The following SLC20A2 variants were observed in gnomAD, a reference collection of about 807,000 sequenced individuals.
SLC20A2 encodes the protein solute carrier family 20 member 2.
SLC20A2 carries 30 observed loss-of-function variants against 61.0 expected under a neutral mutation model. The ratio of observed to expected loss-of-function variants is 0.49; its 90% confidence interval spans 0.37 to 0.67. The LOEUF is 0.67. Among genes scored for constraint, SLC20A2 ranks in the 30% least tolerant of loss-of-function variants. The pLI is 0.00. For missense variants in SLC20A2, 626 were observed against 866.4 expected (o/e 0.72, Z 3.48); for synonymous variants, 351 against 353.3 (o/e 0.99, Z 0.07).
At chr8:42,447,427 C>T (rs28398027) in intron 5 of SLC20A2, among the ~76,000 whole-genome samples, 14,653 of 151,900 alleles carry the variant, frequency 0.096, 2,349 homozygotes, top group African/African-American at 0.33. Flanking sequence ...CCTGTAATCC[C>T]AGCACTTTGG....
At position 42,417,020 on chromosome 8, in the gene SLC20A2, A is replaced by T. The variant is rs1802711005; in HGVS notation, c.*783T>A. On this transcript the variant is annotated 3_prime_UTR_variant, in exon 11 of 11. Transcript: ENST00000520262. ...TGCTGGGTGACGGTGTCACCGCCACACACTGCTCTGGGGCAGGCGTGATCA... is the reference window on the plus strand; with the variant it reads ...TGCTGGGTGACGGTGTCACCGCCACTCACTGCTCTGGGGCAGGCGTGATCA... 6.5e-6 allele frequency: 1 copy of T among 152,706 alleles called. No homozygotes were observed. The highest frequency in any genetic ancestry group is 1.5e-5 in the Non-Finnish European group (1 of 68,074). 9.5% of individuals were successfully genotyped at this position (152,706 alleles called of 1,614,324 possible).
At chr8:42,480,356 TG>T (rs1373501320) in intron 1 of SLC20A2, 1 of 152,244 alleles carries the variant, frequency 6.6e-6, no homozygotes, top group Non-Finnish European at 1.5e-5. Context: ...CTTTTATCAC[TG>T]GAAGACGCTT....
At chr8:42,443,438 C>T (rs1456236300) in intron 6 of SLC20A2, among the ~76,000 whole-genome samples, 2 of 151,212 alleles carry the variant, frequency 1.3e-5, no homozygotes, top group Non-Finnish European at 3.0e-5. Context: ...GTCTCAGCCT[C>T]CCGAGTAGCT....
At chr8:42,427,446 C>T (rs537676282) in intron 10 of SLC20A2, among the ~76,000 whole-genome samples, 2 of 152,188 alleles carry the variant, frequency 1.3e-5, no homozygotes, top group African/African-American at 2.4e-5. Flanking sequence ...AGTCTCCTCA[C>T]CTGTGGACTG....
Position 42,444,735 on chromosome 8 carries a change from G to A in SLC20A2, c.641C>T (p.Ala214Val). The A allele has an allele frequency of 1.2e-6, 2 of 1,613,920 alleles. No individual in the cohort carries two copies. The highest frequency in any genetic ancestry group is 1.7e-6 in the Non-Finnish European group (2 of 1,179,838). The change falls in exon 6 of 11, where the codon GCC becomes GTC. Residue 214 changes from alanine (A) to valine (V), a missense_variant. Ala to Val is a moderately conservative substitution (Grantham distance 64). Transcript: ENST00000520262. ...PVLGLVLPMW[A>V]IALISFGVAL... ...GACACCAAAGGAAATGAGGGCTATG[G>A]CCCACATGGGGAGAACAAGGCCGAG...
chr8:42,427,766 T>G (rs1803521623), intron 10 of SLC20A2, among the ~76,000 whole-genome samples: 2 of 152,182 alleles, frequency 1.3e-5, no homozygotes, highest in South Asian at 4.1e-4. Context: ...TGCCTTTGCT[T>G]GGCGTTGTCT....
At chr8:42,453,869 A>T (rs1446866469) in intron 5 of SLC20A2, among the ~76,000 whole-genome samples, 1 of 152,208 alleles carries the variant, frequency 6.6e-6, no homozygotes, top group Non-Finnish European at 1.5e-5. Context: ...TAAGGCCAAA[A>T]GACTGGGTTA....
At position 42,465,779 on chromosome 8, in the gene SLC20A2, A is replaced by G. The variant is rs1279297447; in HGVS notation, c.428T>C (p.Ile143Thr). 11 of 1,589,982 alleles carry G rather than the reference A, an allele frequency of 6.9e-6. No homozygotes were observed. Among genetic ancestry groups the G allele is most frequent in the Non-Finnish European group, 9.4e-6 (11 of 1,172,304 alleles). Reference protein sequence around the residue: ...KGVQWMELVKIVASWFISPLL... With the variant: ...KGVQWMELVKTVASWFISPLL... ...GGGTAAAAGAAAATGCCAATTACCA[A>G]TCTTGACAAGCTCCATCCACTGCAC... Residue 143 changes from isoleucine (I) to threonine (T), a missense_variant and splice_region_variant, in exon 3 of 11, where the codon ATT (isoleucine) becomes ACT (threonine). Ile to Thr is a moderately conservative substitution (Grantham distance 89). Coordinates refer to ENST00000520262, the MANE Select transcript of SLC20A2 (RefSeq NM_001257180.2).
chr8:42,458,965 G>A (rs1586097765), intron 5 of SLC20A2, among the ~76,000 whole-genome samples: 1 of 111,012 alleles, frequency 9.0e-6, no homozygotes, highest in Non-Finnish European at 1.8e-5. Context: ...AAAAACCTCT[G>A]AACCTTTATA....
At chr8:42,452,337 AG>A (rs1805795851) in intron 5 of SLC20A2, among the ~76,000 whole-genome samples, 1 of 139,024 alleles carries the variant, frequency 7.2e-6, no homozygotes, top group Non-Finnish European at 1.5e-5. Flanking sequence ...AAGAGATAGG[AG>A]GAGGAAGAAA....
intron 4 of SLC20A2, among the ~76,000 whole-genome samples, chr8:42,460,603 T>A (rs763616506): frequency 5.3e-5 from 8 of 152,248 alleles, no homozygotes; most frequent in Non-Finnish European, 1.2e-4. Flanking sequence ...AGAACTGCAG[T>A]TCCTTGTTGA....
chr8:42,451,208 C>T (rs1393000598), intron 5 of SLC20A2, among the ~76,000 whole-genome samples: 1 of 141,160 alleles, frequency 7.1e-6, no homozygotes, highest in East Asian at 2.1e-4. Flanking sequence ...GAGGAGAAAC[C>T]AGAGGAGGGG....
At chr8:42,445,351 C>G (rs1337538019) in intron 5 of SLC20A2, among the ~76,000 whole-genome samples, 1 of 152,024 alleles carries the variant, frequency 6.6e-6, no homozygotes, top group East Asian at 1.9e-4. Flanking sequence ...TGGGCACAAA[C>G]AGCATATTTA....
chr8:42,460,217 T>C (rs1586102427), intron 4 of SLC20A2: 4 of 427,230 alleles, frequency 9.4e-6, no homozygotes, highest in Non-Finnish European at 1.7e-5. Flanking sequence ...GAGCCCACTG[T>C]TGTGGCCAGC....
At chr8:42,517,508 T>C (rs1361127438) in intron 1 of SLC20A2, among the ~76,000 whole-genome samples, 1 of 152,186 alleles carries the variant, frequency 6.6e-6, no homozygotes, top group Non-Finnish European at 1.5e-5. Flanking sequence ...TTTTTAGCCA[T>C]ATCTGCAGCA....
intron 1 of SLC20A2, among the ~76,000 whole-genome samples, chr8:42,473,037 G>A (rs117798840): frequency 0.013 from 1,912 of 152,338 alleles, 12 homozygotes; most frequent in Non-Finnish European, 0.019. Flanking sequence ...TATGTGGAAT[G>A]TGTCCAGTTT....
At chr8:42,432,789 AT>A (rs1195668228) in intron 8 of SLC20A2, among the ~76,000 whole-genome samples, 1 of 152,212 alleles carries the variant, frequency 6.6e-6, no homozygotes, top group Non-Finnish European at 1.5e-5. Context: ...TGCTAGCATT[AT>A]TTTTTAGCAA....
chr8:42,531,401 G>A (rs1230700621), intron 1 of SLC20A2, among the ~76,000 whole-genome samples: 1 of 152,030 alleles, frequency 6.6e-6, no homozygotes, highest in African/African-American at 2.4e-5. Flanking sequence ...CTCTTTGTAG[G>A]GCTGTTCTTA....
intron 5 of SLC20A2, among the ~76,000 whole-genome samples, chr8:42,450,780 TC>T (rs1174513313): frequency 1.3e-5 from 2 of 152,186 alleles, no homozygotes; most frequent in Non-Finnish European, 2.9e-5. Context: ...TGCCTCTGCC[TC>T]CCATAAGTGC....
Sources: gnomAD v4.1 joint callset for allele counts (sites outside exome capture counted in the v4.1 genomes callset) on GRCh38, gnomAD v4.1.1 for gene constraint, MANE v1.5 for transcripts, NCBI Gene and HGNC (gene_info 2026-07-23, HGNC 2026-07-21) for gene names.